XYLT1: variants seen among roughly 807,000 people sequenced by gnomAD.
XYLT1 encodes beta-D-xylosyltransferase 1.
In XYLT1, 36 loss-of-function variants were observed where a neutral mutation model predicts 91.3. That is an observed-to-expected ratio of 0.39 (90% confidence interval 0.30 to 0.52). XYLT1 has a LOEUF of 0.52. Among genes scored for constraint, XYLT1 ranks in the 20% least tolerant of loss-of-function variants. The pLI is 0.68. For synonymous variants in XYLT1, 588 were observed against 532.0 expected, an observed-to-expected ratio of 1.11 and a Z score of -1.45; for missense variants, 1,242 against 1,284.5, an observed-to-expected ratio of 0.97 and a Z score of 0.51.
chr16:17,327,215 A>G (rs955338503), intron 2 of XYLT1, among the ~76,000 whole-genome samples: 24 of 152,182 alleles, frequency 1.6e-4, no homozygotes, highest in African/African-American at 5.3e-4. Flanking sequence ...AAACGTTTTA[A>G]ATTATTTTTT....
At position 17,158,890 on chromosome 16, in the gene XYLT1, C is replaced by T. The variant is rs763000640; in HGVS notation, c.1309G>A (p.Ala437Thr). Residue 437 changes from alanine to threonine, a missense_variant, in exon 6 of 12, where the codon GCG becomes ACG. Transcript: ENST00000261381. The part of the protein sequence containing the change: ...YPIRTNDQLV[A>T]FLSRYRDMNF... ...ATATCTCGGTATCGGGAGAGAAACGCCACCAACTGGTCATTTGTCCTGTGG... is the reference window on the plus strand; with the variant it reads ...ATATCTCGGTATCGGGAGAGAAACGTCACCAACTGGTCATTTGTCCTGTGG... The T allele has an allele frequency of 6.8e-6, 11 of 1,614,068 alleles. No individual in the cohort carries two copies. The South Asian group carries it at 1.1e-4, about 16-fold the overall frequency.
chr16:17,310,556 T>TG (rs2034531512), intron 2 of XYLT1, among the ~76,000 whole-genome samples: 1 of 152,068 alleles, frequency 6.6e-6, no homozygotes, highest in African/African-American at 2.4e-5. Flanking sequence ...AGTGCATAAA[T>TG]GGGGAAAAGG....
intron 6 of XYLT1, among the ~76,000 whole-genome samples, chr16:17,156,812 T>C (rs1371309673): frequency 6.6e-6 from 1 of 152,166 alleles, no homozygotes; most frequent in African/African-American, 2.4e-5. Context: ...AGTTCGGGTG[T>C]TGCAGAAAGA....
At chr16:17,237,474 C>T (rs1031772433) in intron 3 of XYLT1, among the ~76,000 whole-genome samples, 11 of 152,256 alleles carry the variant, frequency 7.2e-5, no homozygotes, top group African/African-American at 2.6e-4. Context: ...TGCCCTTCGT[C>T]CTGACAGGCA....
chr16:17,329,523 TTCTCCAACATTA>T (rs1159330849), intron 2 of XYLT1, among the ~76,000 whole-genome samples: 1 of 152,206 alleles, frequency 6.6e-6, no homozygotes, highest in Admixed American at 6.5e-5. Flanking sequence ...AAAATGGCCT[TTCTCCAACATTA>T]TCTCATTGCC....
At chr16:17,467,568 C>A (rs1481693209) in intron 1 of XYLT1, among the ~76,000 whole-genome samples, 4 of 152,216 alleles carry the variant, frequency 2.6e-5, no homozygotes, top group East Asian at 3.8e-4. Context: ...GCTTGCAAAT[C>A]TTTTATGGAC....
At chr16:17,285,357 G>C (rs1347764338) in intron 2 of XYLT1, among the ~76,000 whole-genome samples, 2 of 152,200 alleles carry the variant, frequency 1.3e-5, no homozygotes, top group Admixed American at 1.3e-4. Context: ...AAGCATCCCG[G>C]AAGCCCTGGG....
intron 3 of XYLT1, among the ~76,000 whole-genome samples, chr16:17,206,656 A>G (rs1345703075): frequency 6.6e-6 from 1 of 152,200 alleles, no homozygotes; most frequent in African/African-American, 2.4e-5. Context: ...GGACTGCTTG[A>G]GTCCAGGAGT....
At chr16:17,358,105 AC>A in intron 1 of XYLT1, 55 bp from the exon 2 acceptor site, 1 of 1,499,694 alleles carries the variant, frequency 6.7e-7, no homozygotes, top group Non-Finnish European at 9.0e-7. Flanking sequence ...TTAACTTACT[AC>A]CCCAGCATCT....
At chr16:17,158,565 G>T (rs1446199963) in intron 6 of XYLT1, among the ~76,000 whole-genome samples, 1 of 152,194 alleles carries the variant, frequency 6.6e-6, no homozygotes, top group Non-Finnish European at 1.5e-5. Flanking sequence ...TTGCTGCAAT[G>T]AGATATTGGA....
intron 1 of XYLT1, among the ~76,000 whole-genome samples, chr16:17,421,902 ATCTTGGC>A (rs1475659516): frequency 1.3e-5 from 2 of 152,166 alleles, no homozygotes; most frequent in Non-Finnish European, 2.9e-5. Flanking sequence ...CAGTGGTGCA[ATCTTGGC>A]TCACTGCAGC....
intron 3 of XYLT1, among the ~76,000 whole-genome samples, chr16:17,239,974 T>C: frequency 6.6e-6 from 1 of 152,194 alleles, no homozygotes; most frequent in East Asian, 1.9e-4. Flanking sequence ...TACCAGGTGG[T>C]GTAAGTAGTG....
intron 1 of XYLT1, among the ~76,000 whole-genome samples, chr16:17,463,123 C>T (rs1054786854): frequency 2.0e-5 from 3 of 152,000 alleles, no homozygotes; most frequent in Middle Eastern, 3.4e-3. Flanking sequence ...GACTATGAGA[C>T]GACTAGAGAA....
intron 2 of XYLT1, chr16:17,338,195 A>G: frequency 6.6e-6 from 3 of 456,370 alleles, no homozygotes; most frequent in South Asian, 3.1e-5. Context: ...CCTTGCCTCT[A>G]GGCTCACTTC....
chr16:17,341,443 A>G lies in XYLT1; in HGVS notation c.402+16569T>C, dbSNP rs527359057. ...ATAAGATAGAGAGGAAAAGCAAGTT[A>G]CCATAAAATATGTTTCAGAAAATAC... On this transcript the variant is annotated intron_variant, in intron 2 of 11. Coordinates refer to ENST00000261381, the MANE Select transcript of XYLT1 (RefSeq NM_022166.4). Among the ~76,000 whole-genome samples the G allele has an allele frequency of 5.3e-5, 8 of 152,360 alleles. No individual in the cohort carries two copies. In the East Asian group the frequency reaches 1.5e-3, roughly 29 times the overall value.
intron 5 of XYLT1, 102 bp from the exon 6 acceptor site, chr16:17,159,011 C>T: frequency 1.0e-6 from 1 of 989,132 alleles, no homozygotes; most frequent in South Asian, 1.3e-5. Context: ...CTTGAAGCAC[C>T]TTCTCTGATC....
At chr16:17,389,974 G>C (rs781200870) in intron 1 of XYLT1, among the ~76,000 whole-genome samples, 4 of 152,252 alleles carry the variant, frequency 2.6e-5, no homozygotes, top group African/African-American at 9.6e-5. Context: ...GATTCAGGTC[G>C]TGCCCTGTAC....
At chr16:17,177,733 G>A (rs1269288746) in intron 5 of XYLT1, among the ~76,000 whole-genome samples, 2 of 152,164 alleles carry the variant, frequency 1.3e-5, no homozygotes, top group Admixed American at 1.3e-4. Context: ...CAGGAGGGGA[G>A]CCCAGACACA....
At chr16:17,452,128 C>G (rs2036672785) in intron 1 of XYLT1, among the ~76,000 whole-genome samples, 1 of 152,080 alleles carries the variant, frequency 6.6e-6, no homozygotes, top group Admixed American at 6.6e-5. Context: ...AAGGAACCTA[C>G]AGCCTATTCA....
Sources: gnomAD v4.1 joint callset for allele counts (sites outside exome capture counted in the v4.1 genomes callset) on GRCh38, gnomAD v4.1.1 for gene constraint, MANE v1.5 for transcripts, NCBI Gene and HGNC (gene_info 2026-07-23, HGNC 2026-07-21) for gene names.